The following TENM3 variants were observed in gnomAD, a reference collection of about 807,000 sequenced individuals.
TENM3 encodes the protein teneurin transmembrane protein 3, also known as teneurin-3.
A neutral mutation model predicts 255.1 loss-of-function variants in TENM3; 63 were observed. The observed-to-expected ratio is 0.25, with a 90% confidence interval of 0.20 to 0.30. The LOEUF is 0.30. Ranked by LOEUF, TENM3 falls within the 10% of genes least tolerant of loss-of-function variation. The probability of loss-of-function intolerance (pLI) is 1.00; values close to 1 mark genes in which losing one functional copy is unlikely to be tolerated. For synonymous variants in TENM3, 1,306 were observed against 1,322.3 expected, an observed-to-expected ratio of 0.99 and a Z score of 0.27; for missense variants, 2,929 against 3,461.1, an observed-to-expected ratio of 0.85 and a Z score of 3.86.
At chr4:182,025,480 T>C in the TENM3 span, among the ~76,000 whole-genome samples, 18 of 152,336 alleles carry the variant, frequency 1.2e-4, no homozygotes, top group African/African-American at 4.3e-4. Flanking sequence ...ATAAAAAATA[T>C]GGGAGTGCAG....
chr4:182,399,361 A>G (rs1431644996), intron 3 of TENM3, among the ~76,000 whole-genome samples: 1 of 152,126 alleles, frequency 6.6e-6, no homozygotes, highest in Non-Finnish European at 1.5e-5. Context: ...TGAATTCTAA[A>G]CGTGTTAACT....
intron 1 of TENM3, among the ~76,000 whole-genome samples, chr4:182,247,997 T>C (rs1757764210): frequency 1.3e-5 from 2 of 152,244 alleles, no homozygotes; most frequent in South Asian, 4.1e-4. Flanking sequence ...ATTATTTAAC[T>C]TTATTTAATG....
intron 1 of TENM3, among the ~76,000 whole-genome samples, chr4:182,206,376 T>G (rs1754579340): frequency 6.6e-6 from 1 of 152,156 alleles, no homozygotes; most frequent in South Asian, 2.1e-4. Context: ...CTGGATTCCC[T>G]CTCACTTAGA....
At chr4:182,602,366 T>A (rs1747974838) in intron 4 of TENM3, among the ~76,000 whole-genome samples, 1 of 152,154 alleles carries the variant, frequency 6.6e-6, no homozygotes, top group African/African-American at 2.4e-5. Context: ...CCGGTTAACA[T>A]TAGGATTTAA....
rs550462337 is a variant in TENM3 at position 182,367,668 on chromosome 4, A to G, written c.511+20739A>G. Among the ~76,000 whole-genome samples, 4 of 152,302 alleles carry G rather than the reference A, an allele frequency of 2.6e-5. No individual in the cohort carries two copies. The South Asian group carries it at 8.3e-4, about 32-fold the overall frequency. On this transcript the variant is annotated intron_variant, in intron 3 of 27. Transcript: ENST00000511685. ...TAGAGAGAGGAAAAAAGGAAAAGCC[A>G]TAGAAAGATAGTTAAAATAGACTGT...
At chr4:181,726,953 C>T in the TENM3 span, among the ~76,000 whole-genome samples, 1 of 152,134 alleles carries the variant, frequency 6.6e-6, no homozygotes, top group African/African-American at 2.4e-5. Flanking sequence ...CTGGTTTATT[C>T]TAAAGGATAT....
rs188568689 is a variant in TENM3 at position 182,516,581 on chromosome 4, C to T, written c.512-84343C>T. On this transcript the variant is annotated intron_variant, in intron 3 of 27. Coordinates refer to ENST00000511685, the MANE Select transcript of TENM3 (RefSeq NM_001080477.4). ...TCCCATTATTTCATAAAGTCTGTAA[C>T]GTGTAAGCAGATGAATTATGCCTGT... is the stretch of plus-strand genomic sequence containing the variant. 2.0e-4 allele frequency among the ~76,000 whole-genome samples: 31 copies of T among 152,154 alleles called. 1 individual carries two copies. In the East Asian group the frequency reaches 4.1e-3, roughly 20 times the overall value.
chr4:181,507,834 C>T, the TENM3 span, among the ~76,000 whole-genome samples: 2 of 150,630 alleles, frequency 1.3e-5, no homozygotes, highest in East Asian at 3.9e-4. Flanking sequence ...ATTGCTTAGG[C>T]GGTTTTCTTC....
At chr4:182,132,190 G>A in the TENM3 span, among the ~76,000 whole-genome samples, 1 of 152,238 alleles carries the variant, frequency 6.6e-6, no homozygotes, top group South Asian at 2.1e-4. Flanking sequence ...ATTATAAAAT[G>A]GGTTATAGGC....
chr4:182,063,428 CT>C, the TENM3 span, among the ~76,000 whole-genome samples: 1 of 152,184 alleles, frequency 6.6e-6, no homozygotes, highest in East Asian at 1.9e-4. Flanking sequence ...CACGTAAGCA[CT>C]TGGATAAAAG....
chr4:182,144,720 G>T (rs995589725), exon 1 of TENM3: 4 of 145,816 alleles, frequency 2.7e-5, no homozygotes, highest in Non-Finnish European at 6.1e-5. Flanking sequence ...GCTGCTGCCG[G>T]GGAGCGAGCC....
intron 3 of TENM3, among the ~76,000 whole-genome samples, chr4:182,528,433 T>C (rs1407449922): frequency 6.6e-6 from 1 of 152,192 alleles, no homozygotes; most frequent in African/African-American, 2.4e-5. Flanking sequence ...ATACAAATAC[T>C]GTATTATAAA....
At chr4:181,631,025 G>A in the TENM3 span, among the ~76,000 whole-genome samples, 1 of 152,158 alleles carries the variant, frequency 6.6e-6, no homozygotes, top group Non-Finnish European at 1.5e-5. Context: ...TCTGATTGCG[G>A]TATCAATAGG....
chr4:181,449,109 C>T, the TENM3 span, among the ~76,000 whole-genome samples: 2 of 152,172 alleles, frequency 1.3e-5, no homozygotes, highest in African/African-American at 4.8e-5. Context: ...TTACATATAG[C>T]TAGAATTTTA....
intron 3 of TENM3, among the ~76,000 whole-genome samples, chr4:182,437,432 T>C (rs1772128531): frequency 6.6e-6 from 1 of 152,020 alleles, no homozygotes; most frequent in Non-Finnish European, 1.5e-5. Flanking sequence ...GAGAATCCCT[T>C]GAGCCTAGGA....
intron 3 of TENM3, among the ~76,000 whole-genome samples, chr4:182,366,323 G>C (rs984921173): frequency 2.6e-5 from 4 of 151,430 alleles, no homozygotes; most frequent in African/African-American, 9.7e-5. Context: ...TTTCACTCTA[G>C]AGCAAATACT....
At chr4:182,615,896 T>G (rs560926012) in intron 4 of TENM3, among the ~76,000 whole-genome samples, 2 of 152,356 alleles carry the variant, frequency 1.3e-5, no homozygotes, top group South Asian at 4.1e-4. Context: ...ATTGATTTTC[T>G]GATTTGTTAT....
chr4:182,627,978 T>C (rs1750992825), intron 4 of TENM3, among the ~76,000 whole-genome samples: 1 of 152,190 alleles, frequency 6.6e-6, no homozygotes, highest in South Asian at 2.1e-4. Context: ...TGTTAGAAGA[T>C]GTTCCATGAT....
intron 3 of TENM3, among the ~76,000 whole-genome samples, chr4:182,498,208 G>A (rs1469297348): frequency 6.6e-6 from 1 of 152,046 alleles, no homozygotes; most frequent in African/African-American, 2.4e-5. Context: ...CTAAGACATA[G>A]GCTTCTTGGA....
Sources: gnomAD v4.1 joint callset for allele counts (sites outside exome capture counted in the v4.1 genomes callset) on GRCh38, gnomAD v4.1.1 for gene constraint, MANE v1.5 for transcripts, NCBI Gene and HGNC (gene_info 2026-07-23, HGNC 2026-07-21) for gene names.